CSNK1G2: variants seen among roughly 807,000 people sequenced by gnomAD.
CSNK1G2 encodes casein kinase 1 gamma 2.
In CSNK1G2, 11 loss-of-function variants were observed where a neutral mutation model predicts 48.0. The observed-to-expected ratio is 0.23, with a 90% CI of 0.14 to 0.38. The LOEUF is 0.38. Ranked by LOEUF, CSNK1G2 falls within the 10% of genes least tolerant of loss-of-function variation. The probability of loss-of-function intolerance (pLI) is 1.00; values close to 1 mark genes in which losing one functional copy is unlikely to be tolerated. For synonymous variants in CSNK1G2, 337 were observed against 254.1 expected (o/e 1.33, Z -3.10); for missense variants, 446 against 595.5 (o/e 0.75, Z 2.61).
intron 2 of CSNK1G2, among the ~76,000 whole-genome samples, chr19:1,970,793 G>T (rs1307918631): frequency 6.6e-6 from 1 of 152,218 alleles, no homozygotes; most frequent in South Asian, 2.1e-4. Context: ...AGTGTCTGTC[G>T]TGGTGGGAAT....
chr19:1,979,894 C>T lies in CSNK1G2; in HGVS notation c.1087-17C>T, dbSNP rs2015918776. On this transcript the variant is annotated splice_polypyrimidine_tract_variant and intron_variant, in intron 10 of 11. Transcript: ENST00000255641. ...GGGGCATGGGCGGCCAGCGTGACCCCCTACTGCCCCCACCAGGCGTTGAAC... is the reference window on the plus strand; with the variant it reads ...GGGGCATGGGCGGCCAGCGTGACCCTCTACTGCCCCCACCAGGCGTTGAAC... 1.2e-6 allele frequency: 2 copies of T among 1,606,764 alleles called. No homozygotes were observed. Among genetic ancestry groups the T allele is most frequent in the Middle Eastern group, 1.7e-4 (1 of 6,048 alleles).
At chr19:1,970,053 T>A in intron 2 of CSNK1G2, 94 bp downstream of exon 2, 1 of 1,083,338 alleles carries the variant, frequency 9.2e-7, no homozygotes, top group Non-Finnish European at 1.2e-6. Flanking sequence ...CCGGGGTCAC[T>A]GGAGCCTCTG....
chr19:1,958,505 C>T (rs1479863868), intron 1 of CSNK1G2, among the ~76,000 whole-genome samples: 16 of 125,486 alleles, frequency 1.3e-4, no homozygotes, highest in Non-Finnish European at 2.2e-4. Context: ...GCCGCAGCAG[C>T]TCAGCTCTCC....
chr19:1,967,070 A>G (rs2015387130), intron 1 of CSNK1G2, among the ~76,000 whole-genome samples: 1 of 151,960 alleles, frequency 6.6e-6, no homozygotes, highest in Non-Finnish European at 1.5e-5. Flanking sequence ...ACACAACGCT[A>G]CTGCACACTT....
At chr19:1,948,097 C>T (rs894926708) in intron 1 of CSNK1G2, among the ~76,000 whole-genome samples, 5 of 152,250 alleles carry the variant, frequency 3.3e-5, no homozygotes, top group Non-Finnish European at 5.9e-5. Context: ...CTTCGGGGGG[C>T]GGCCCCGCCC....
At chr19:1,962,561 A>G (rs1248346097) in intron 1 of CSNK1G2, among the ~76,000 whole-genome samples, 1 of 151,646 alleles carries the variant, frequency 6.6e-6, no homozygotes, top group African/African-American at 2.4e-5. Flanking sequence ...GCTACTCGGG[A>G]GGCTGAGGCA....
intron 2 of CSNK1G2, among the ~76,000 whole-genome samples, chr19:1,971,834 A>C (rs1365528177): frequency 2.0e-5 from 3 of 149,072 alleles, no homozygotes; most frequent in African/African-American, 7.5e-5. Context: ...CAGTGGCGCA[A>C]TCTCGGCTCA....
At chr19:1,977,926 G>T (rs769211111) in intron 2 of CSNK1G2, among the ~76,000 whole-genome samples, 8 of 152,246 alleles carry the variant, frequency 5.3e-5, no homozygotes, top group Admixed American at 3.3e-4. Flanking sequence ...CCTGGGGGCC[G>T]AGGGCCTCGG....
chr19:1,979,747 C>T lies in CSNK1G2; in HGVS notation c.1003-5C>T. ...CCATCCTGACCCCTGCTCCCTCACCCACAGCCGACCCCCATCGGCACCGTC... is the reference window on the plus strand; with the variant it reads ...CCATCCTGACCCCTGCTCCCTCACCTACAGCCGACCCCCATCGGCACCGTC... On this transcript the variant is annotated splice_region_variant and splice_polypyrimidine_tract_variant and intron_variant, in intron 9 of 11. Coordinates refer to ENST00000255641, the MANE Select transcript of CSNK1G2 (RefSeq NM_001319.7). 1.2e-6 allele frequency: 2 copies of T among 1,605,530 alleles called. No individual in the cohort carries two copies. Among genetic ancestry groups the T allele is most frequent in the Non-Finnish European group, 1.7e-6 (2 of 1,179,428 alleles).
chr19:1,975,176 A>G (rs1260555903), intron 2 of CSNK1G2: 1 of 985,370 alleles, frequency 1.0e-6, no homozygotes, highest in Non-Finnish European at 1.2e-6. Flanking sequence ...AGGCCCGCCC[A>G]TCAAGACGCT....
chr19:1,976,171 G>C lies in CSNK1G2; in HGVS notation c.188-2134G>C, dbSNP rs1017656145. ...GGGTGTTTGGGGCACGGCTCCTGTT[G>C]TTTTACGAGGAGAATTTCCTAATAA... is the stretch of plus-strand genomic sequence containing the variant. On this transcript the variant is annotated intron_variant, in intron 2 of 11. Coordinates refer to ENST00000255641, the MANE Select transcript of CSNK1G2 (RefSeq NM_001319.7). 27 of 1,123,046 alleles carry C rather than the reference G, an allele frequency of 2.4e-5. No individual in the cohort carries two copies. In the Admixed American group the frequency reaches 4.6e-4, roughly 19 times the overall value. 69.6% of individuals were successfully genotyped at this position (1,123,046 alleles called of 1,614,324 possible). A position where few individuals can be genotyped will look rare whatever the true frequency, so the allele number is the denominator to read the frequency against.
At chr19:1,975,737 C>G in intron 2 of CSNK1G2, 1 of 985,398 alleles carries the variant, frequency 1.0e-6, no homozygotes, top group Non-Finnish European at 1.2e-6. Flanking sequence ...GTCCTGAGCT[C>G]TAAAACTTCG....
rs571738801 is a variant in CSNK1G2, at chr19:1,966,973, C to T, written c.-265-2535C>T. 3.3e-5 allele frequency among the ~76,000 whole-genome samples: 5 copies of T among 152,266 alleles called. No homozygotes were observed. The South Asian group carries it at 8.3e-4, about 25-fold the overall frequency. ...GCAGCCTCCGCCTCCTGGGCTCAAACGATCCTCCCGCCTCAGTCTCCCGAG... is the reference window on the plus strand; with the variant it reads ...GCAGCCTCCGCCTCCTGGGCTCAAATGATCCTCCCGCCTCAGTCTCCCGAG... On this transcript the variant is annotated intron_variant, in intron 1 of 11. Coordinates refer to ENST00000255641, the MANE Select transcript of CSNK1G2 (RefSeq NM_001319.7).
intron 2 of CSNK1G2, chr19:1,975,320 C>T: frequency 2.0e-6 from 2 of 985,480 alleles, no homozygotes; most frequent in African/African-American, 1.7e-5. Context: ...GGCTTGTCCT[C>T]CTCAGCCTGG....
Position 1,980,613 on chromosome 19 carries a change from C to G in CSNK1G2, c.*410C>G, listed in dbSNP as rs1599339108. ...GTTAGCGTCATAAAGTCCAGCTTGT[C>G]TCCCTCGATCCAAAGGCCGTTTTCT... is the stretch of plus-strand genomic sequence containing the variant. On this transcript the variant is annotated 3_prime_UTR_variant, in exon 12 of 12. Coordinates refer to ENST00000255641, the MANE Select transcript of CSNK1G2 (RefSeq NM_001319.7). 2 of 239,934 alleles carry G rather than the reference C, an allele frequency of 8.3e-6. No individual in the cohort carries two copies. Among genetic ancestry groups the G allele is most frequent in the Non-Finnish European group, 1.7e-5 (2 of 119,756 alleles). The allele number at this position is 239,934 out of a possible 1,614,324, so 14.9% of individuals were successfully genotyped here.
At chr19:1,960,139 G>A (rs1392123585) in intron 1 of CSNK1G2, among the ~76,000 whole-genome samples, 1 of 152,202 alleles carries the variant, frequency 6.6e-6, no homozygotes, top group African/African-American at 2.4e-5. Flanking sequence ...TACCACAGCC[G>A]AATGTCTGCG....
At chr19:1,960,138 C>T (rs75212625) in intron 1 of CSNK1G2, among the ~76,000 whole-genome samples, 4,472 of 152,280 alleles carry the variant, frequency 0.029, 209 homozygotes, top group African/African-American at 0.1. Context: ...CTACCACAGC[C>T]GAATGTCTGC....
In CSNK1G2 at chr19:1,976,393, A is replaced by G. The variant is rs567009318; in HGVS notation, c.188-1912A>G. Reference sequence around the variant, plus strand: ...TCGTCCTCACGATCCTGCACCCTCAAGATGCCACGTTGTTGAGGCTGTTTA... The same window carrying G: ...TCGTCCTCACGATCCTGCACCCTCAGGATGCCACGTTGTTGAGGCTGTTTA... On this transcript the variant is annotated intron_variant, in intron 2 of 11. Transcript: ENST00000255641. Among the ~76,000 whole-genome samples the G allele has an allele frequency of 2.6e-5, 4 of 152,338 alleles. No individual in the cohort carries two copies. In the South Asian group the frequency reaches 8.3e-4, roughly 32 times the overall value.
intron 1 of CSNK1G2, among the ~76,000 whole-genome samples, chr19:1,968,510 G>A (rs1437606009): frequency 6.6e-6 from 1 of 152,242 alleles, no homozygotes; most frequent in Non-Finnish European, 1.5e-5. Context: ...AGTCCCCTCA[G>A]CCATGAGCCC....
Sources: allele counts gnomAD v4.1 joint callset (sites outside exome capture counted in the v4.1 genomes callset), GRCh38; gene constraint gnomAD v4.1.1; transcripts MANE v1.5; gene names NCBI Gene and HGNC (gene_info 2026-07-23, HGNC 2026-07-21).